The following FBN3 variants were observed in gnomAD, a reference collection of about 807,000 sequenced individuals.
FBN3 encodes the protein fibrillin 3, also known as fibrillin-3.
Under a neutral mutation model 330.1 loss-of-function variants are expected in FBN3, and 234 were observed. That is an observed-to-expected ratio of 0.71 (90% CI 0.64 to 0.79). FBN3 has a LOEUF of 0.79. FBN3 is among the 30% of genes least tolerant of loss of function. The pLI is 0.00. For synonymous variants in FBN3, 1,458 were observed against 1,517.3 expected, an observed-to-expected ratio of 0.96 and a Z score of 0.91; for missense variants, 3,606 against 3,886.9, an observed-to-expected ratio of 0.93 and a Z score of 1.92.
chr19:8,108,445 G>A (rs1025861260), intron 36 of FBN3, among the ~76,000 whole-genome samples: 2 of 152,082 alleles, frequency 1.3e-5, no homozygotes, highest in East Asian at 1.9e-4. Flanking sequence ...GTGTGCATGT[G>A]CGTGTGCATG....
chr19:8,122,555 C>A (rs1024381323), intron 24 of FBN3, among the ~76,000 whole-genome samples: 28 of 150,938 alleles, frequency 1.9e-4, no homozygotes, highest in African/African-American at 6.6e-4. Flanking sequence ...TTAGTAGAGA[C>A]GGGGTATTGC....
In FBN3 at chr19:8,091,482, T is replaced by C. The variant is rs17202741; in HGVS notation, c.6014A>G (p.Asn2005Ser). The C allele has an allele frequency of 1.3e-6, 2 of 1,592,176 alleles. No individual in the cohort carries two copies. Among genetic ancestry groups the C allele is most frequent in the African/African-American group, 2.7e-5 (2 of 74,354 alleles). The change falls in exon 48 of 64, where the codon AAT (asparagine) becomes AGT (serine). Residue 2005 changes from asparagine to serine, a missense_variant. Asn to Ser is a conservative substitution (Grantham distance 46). Transcript: ENST00000600128. ...LCPPGFVLSD[N>S]GHRCFDTRQS... ...GGACTTACCAAAGCAACGGTGCCCA[T>C]TGTCAGAGAGGACAAAGCCAGGTGG...
At chr19:8,106,379 C>G (rs1016078414) in intron 37 of FBN3, 146 bp from the exon 38 acceptor site, 89 of 718,004 alleles carry the variant, frequency 1.2e-4, no homozygotes, top group Non-Finnish European at 1.9e-4. Context: ...AAGGGTCTAT[C>G]TTGATGGCTG....
intron 47 of FBN3, 138 bp from the exon 48 acceptor site, chr19:8,091,728 AG>A: frequency 7.8e-6 from 7 of 893,862 alleles, no homozygotes; most frequent in Non-Finnish European, 8.5e-6. Flanking sequence ...CTGAGAGCTC[AG>A]TATGAGCTTC....
chr19:8,118,671 G>A (rs1308899625), intron 26 of FBN3, among the ~76,000 whole-genome samples: 2 of 151,852 alleles, frequency 1.3e-5, no homozygotes, highest in African/African-American at 2.4e-5. Context: ...TCACACATGT[G>A]CGTGTTCATC....
chr19:8,142,154 T>G lies in FBN3; in HGVS notation c.542-17A>C. The G allele has an allele frequency of 6.3e-7, 1 of 1,587,696 alleles. No homozygotes were observed. Reference sequence around the variant, plus strand: ...TCCGGTAATCTGCAGGGCAGACAGATGTGGGTACCTGGCTGAGGGCTGCCC... The same window carrying G: ...TCCGGTAATCTGCAGGGCAGACAGAGGTGGGTACCTGGCTGAGGGCTGCCC... On this transcript the variant is annotated splice_polypyrimidine_tract_variant and intron_variant, in intron 6 of 63. Coordinates refer to ENST00000600128, the MANE Select transcript of FBN3 (RefSeq NM_032447.5).
intron 57 of FBN3, among the ~76,000 whole-genome samples, chr19:8,082,312 T>TC (rs2081810914): frequency 7.0e-6 from 1 of 143,216 alleles, no homozygotes; most frequent in African/African-American, 2.6e-5. Flanking sequence ...TTTCTCCCTT[T>TC]CTCTTTCTTT....
intron 47 of FBN3, among the ~76,000 whole-genome samples, chr19:8,092,230 CCTA>C (rs1443552600): frequency 1.2e-4 from 18 of 151,668 alleles, no homozygotes. Context: ...ATCCAGCAAT[CCTA>C]CTACTGGGTA....
Position 8,096,725 on chromosome 19 carries a change from C to T in FBN3, c.5413+156G>A, listed in dbSNP as rs2082217337. On this transcript the variant is annotated intron_variant, in intron 43 of 63. Transcript: ENST00000600128. This position sits in a 1 kb window ranked among gnomAD's most constrained non-coding sequence, Gnocchi z 4.6. ...CTGTCTGCATGGACCTGAGCTCTCA[C>T]CTCTATCACATCCTATTAACAGACA... is the stretch of plus-strand genomic sequence containing the variant. Among the ~76,000 whole-genome samples, 1 of 152,160 alleles carries T rather than the reference C, an allele frequency of 6.6e-6. No homozygotes were observed. The highest frequency in any genetic ancestry group is 6.5e-5 in the Admixed American group (1 of 15,272).
Position 8,133,060 on chromosome 19 carries a change from A to C in FBN3, c.1638T>G (p.Cys546Trp), listed in dbSNP as rs1278058721. The C allele has an allele frequency of 6.3e-6, 10 of 1,587,186 alleles. No homozygotes were observed. Among genetic ancestry groups the C allele is most frequent in the Admixed American group, 3.6e-5 (2 of 55,572 alleles). ...AGGAGAAGCTGCCATCCTCGTTGAG[A>C]CACACGCCGTTGACGCACATGGTGC... ...ATSTMCVNGV[C>W]LNEDGSFSCL... Residue 546 changes from cysteine (C) to tryptophan (W), a missense_variant, in exon 14 of 64, where the codon TGT becomes TGG. By Grantham distance (215) the Cys-to-Trp change is radical. Transcript: ENST00000600128.
intron 54 of FBN3, among the ~76,000 whole-genome samples, chr19:8,086,874 T>C (rs1424789236): frequency 1.3e-5 from 2 of 151,120 alleles, no homozygotes; most frequent in African/African-American, 2.4e-5. Context: ...TACCTGTCCC[T>C]CCCACTGCCT....
At chr19:8,068,190 T>C (rs2081432648) in intron 63 of FBN3, among the ~76,000 whole-genome samples, 2 of 150,036 alleles carry the variant, frequency 1.3e-5, no homozygotes, top group South Asian at 4.2e-4. Flanking sequence ...ATTGAGACCA[T>C]CCTGGCTAAC....
intron 6 of FBN3, among the ~76,000 whole-genome samples, chr19:8,143,499 T>TTTTC (rs1473381884): frequency 3.4e-5 from 5 of 144,976 alleles, no homozygotes; most frequent in African/African-American, 1.3e-4. Context: ...TTTCTTTTCT[T>TTTTC]TTTTTTTTTT....
rs574099898 is a variant in FBN3, at chr19:8,097,329, G to A, written c.5247C>T (p.Pro1749=). Residue 1749 remains proline, a synonymous_variant, in exon 42 of 64, where the codon CCC becomes CCT. Coordinates refer to ENST00000600128, the MANE Select transcript of FBN3 (RefSeq NM_032447.5). ...GGATGCTGTTGTAGTTGAAGCCTGC[G>A]GGGCACTCGCAGCGGAAACTCCCGA... ...NQIGSFRCEC[P]AGFNYNSILL... 35 of 1,610,288 alleles carry A rather than the reference G, an allele frequency of 2.2e-5. 1 individual carries two copies. Among genetic ancestry groups the A allele is most frequent in the East Asian group, 2.0e-4 (9 of 44,724 alleles).
Position 8,085,372 on chromosome 19 carries a change from C to T in FBN3, c.7078G>A (p.Glu2360Lys). ...GGGCATGGGCACCCACCTCGGCCCTCAGCAGTGTAGCCTGAGCCATGGGGG... is the reference window on the plus strand; with the variant it reads ...GGGCATGGGCACCCACCTCGGCCCTTAGCAGTGTAGCCTGAGCCATGGGGG... ...LCPHGSGYTA[E>K]GRDVDECRML... The change falls in exon 56 of 64, where the codon GAG becomes AAG. Residue 2360 changes from glutamate to lysine, a missense_variant. By Grantham distance (56) the Glu-to-Lys change is moderately conservative. Transcript: ENST00000600128. The T allele has an allele frequency of 6.3e-7, 1 of 1,576,528 alleles. No individual in the cohort carries two copies.
Position 8,109,672 on chromosome 19 carries a change from G to C in FBN3, c.4415C>G (p.Pro1472Arg), listed in dbSNP as rs781249298. 2.5e-6 allele frequency: 4 copies of C among 1,580,218 alleles called. No individual in the cohort carries two copies. In the African/African-American group the frequency reaches 5.4e-5, roughly 21 times the overall value. Residue 1472 changes from proline to arginine, a missense_variant, in exon 35 of 64, where the codon CCC becomes CGC. Coordinates refer to ENST00000600128, the MANE Select transcript of FBN3 (RefSeq NM_032447.5). This position sits in a 1 kb window ranked among gnomAD's most constrained non-coding sequence, Gnocchi z 5.2. Reference protein sequence around the residue: ...NTPGSYLCSCPQDFELNPSGV... With the variant: ...NTPGSYLCSCRQDFELNPSGV... Reference sequence around the variant, plus strand: ...GCTGGGGTTCAGCTCAAAATCCTGGGGGCAGCTGCAGAGGTAGCTGCCGGG... The same window carrying C: ...GCTGGGGTTCAGCTCAAAATCCTGGCGGCAGCTGCAGAGGTAGCTGCCGGG...
rs375861193 is a variant in FBN3 at position 8,066,191 on chromosome 19, C to G, written c.8158G>C (p.Ala2720Pro). The stretch of plus-strand genomic sequence containing the variant: ...GGCCGGAGCTCCAGGATGCGCTCGG[C>G]CCGGCCCAGGTGTGAGAGGTTCAGG... ...LGLNLSHLGR[A>P]ERILELRPAL... Residue 2720 changes from alanine to proline, a missense_variant, in exon 64 of 64, where the codon GCC becomes CCC. Physicochemically the swap from Ala to Pro is conservative, Grantham distance 27 (BLOSUM62 -1). Coordinates refer to ENST00000600128, the MANE Select transcript of FBN3 (RefSeq NM_032447.5). 6 of 1,610,954 alleles carry G rather than the reference C, an allele frequency of 3.7e-6. No homozygotes were observed. Among genetic ancestry groups the G allele is most frequent in the Non-Finnish European group, 4.2e-6 (5 of 1,178,504 alleles).
chr19:8,130,886 G>C (rs1481749259), intron 16 of FBN3, among the ~76,000 whole-genome samples: 1 of 151,570 alleles, frequency 6.6e-6, no homozygotes, highest in Non-Finnish European at 1.5e-5. Context: ...TTTGGACACA[G>C]ACACGCATAC....
rs1484604558 is a variant in FBN3 at position 8,136,194 on chromosome 19, G to A, written c.1461C>T (p.Cys487=). 3 of 1,613,582 alleles carry A rather than the reference G, an allele frequency of 1.9e-6. No individual in the cohort carries two copies. Among genetic ancestry groups the A allele is most frequent in the South Asian group, 1.1e-5 (1 of 91,034 alleles). ...GFQATPTRQA[C]VDVDECIVSG... is the part of the protein sequence containing the mutation. The stretch of plus-strand genomic sequence containing the variant: ...CTCTTGGATGGACAGCCGTACCCAC[G>A]CATGCCTGCCTGGTGGGCGTGGCCT... The change falls in exon 12 of 64, where the codon TGC becomes TGT. Residue 487 remains cysteine, a synonymous_variant. Coordinates refer to ENST00000600128, the MANE Select transcript of FBN3 (RefSeq NM_032447.5).
Sources: gnomAD v4.1 joint callset for allele counts (sites outside exome capture counted in the v4.1 genomes callset) on GRCh38, gnomAD v4.1.1 for gene constraint, Gnocchi (gnomAD v3.1) non-coding constraint, MANE v1.5 for transcripts, NCBI Gene and HGNC (gene_info 2026-07-23, HGNC 2026-07-21) for gene names.